ZMYND11: variants seen among roughly 807,000 people sequenced by gnomAD.
The protein encoded by ZMYND11 is zinc finger MYND domain-containing protein 11.
A neutral mutation model predicts 84.9 loss-of-function variants in ZMYND11; 9 were observed. The ratio of observed to expected loss-of-function variants is 0.11; its 90% CI spans 0.06 to 0.18. The LOEUF (loss-of-function observed/expected upper bound fraction) is 0.18, where lower values mean the gene tolerates loss of function less well. ZMYND11 is among the 10% of genes least tolerant of loss of function. The probability of loss-of-function intolerance (pLI) is 1.00; values close to 1 mark genes in which losing one functional copy is unlikely to be tolerated. For missense variants in ZMYND11, 409 were observed against 761.0 expected (o/e 0.54, Z 5.44); for synonymous variants, 250 against 244.1 (o/e 1.02, Z -0.23).
intron 3 of ZMYND11, chr10:218,371 G>T: frequency 5.2e-6 from 1 of 192,398 alleles, no homozygotes. Flanking sequence ...GGCCCTGTGT[G>T]AAATCCCTTT....
intron 1 of ZMYND11, among the ~76,000 whole-genome samples, chr10:170,591 C>T (rs1386691349): frequency 2.0e-5 from 3 of 151,896 alleles, no homozygotes; most frequent in Admixed American, 6.6e-5. Context: ...TTTCACTGCC[C>T]ATGAAGCAGT....
At position 252,237 on chromosome 10, in the gene ZMYND11, G is replaced by A. The variant is rs1953663232; in HGVS notation, c.1687-111G>A. 3.0e-6 allele frequency: 4 copies of A among 1,333,618 alleles called. No individual in the cohort carries two copies. Among genetic ancestry groups the A allele is most frequent in the South Asian group, 1.4e-5 (1 of 71,394 alleles). The allele number at this position is 1,333,618 out of a possible 1,614,324, so 82.6% of individuals were successfully genotyped here. A position where few individuals can be genotyped will look rare whatever the true frequency, so the allele number is the denominator to read the frequency against. ...AAAACGTATTCAGATTCCACAAAAG[G>A]TTGAGCCAGAAAGATCTTTTAAAAG... On this transcript the variant is annotated intron_variant, in intron 14 of 14. Transcript: ENST00000381604. This position sits in a 1 kb window ranked among gnomAD's most constrained non-coding sequence, Gnocchi z 4.6.
At chr10:222,613 T>C (rs753172227) in intron 4 of ZMYND11, among the ~76,000 whole-genome samples, 1 of 152,220 alleles carries the variant, frequency 6.6e-6, no homozygotes, top group Non-Finnish European at 1.5e-5. Context: ...TTTTATTCTC[T>C]TGTGGATTTC....
At chr10:239,703 ACAAAAT>A (rs1367803780) in intron 7 of ZMYND11, among the ~76,000 whole-genome samples, 178 bp downstream of exon 7, 2 of 152,242 alleles carry the variant, frequency 1.3e-5, no homozygotes, top group Non-Finnish European at 2.9e-5. Context: ...CTGGCCAAAA[ACAAAAT>A]CATAGTATAC....
chr10:135,796 C>T lies in ZMYND11; in HGVS notation c.-20+237C>T, dbSNP rs1835854583. Among the ~76,000 whole-genome samples, 1 of 148,230 alleles carries T rather than the reference C, an allele frequency of 6.7e-6. No individual in the cohort carries two copies. The highest frequency in any genetic ancestry group is 1.5e-5 in the Non-Finnish European group (1 of 66,532). ...GCGGCGGCGGGGCCTGCGGAGGCTGCCGGCCCGCGCCCACTCGCCTTGGGC... is the reference window on the plus strand; with the variant it reads ...GCGGCGGCGGGGCCTGCGGAGGCTGTCGGCCCGCGCCCACTCGCCTTGGGC... On this transcript the variant is annotated intron_variant, in intron 1 of 14. Coordinates refer to ENST00000381604, the MANE Select transcript of ZMYND11 (RefSeq NM_001370100.5). The surrounding 1 kb of genome is among the most constrained non-coding windows in gnomAD (Gnocchi z 5.6).
At chr10:229,813 C>T (rs559140332) in intron 4 of ZMYND11, among the ~76,000 whole-genome samples, 1 of 152,324 alleles carries the variant, frequency 6.6e-6, no homozygotes, top group Non-Finnish European at 1.5e-5. Context: ...TCACTTTTAA[C>T]TTCTCAATTA....
At chr10:219,507 T>C (rs1486726285) in intron 3 of ZMYND11, among the ~76,000 whole-genome samples, 2 of 152,176 alleles carry the variant, frequency 1.3e-5, no homozygotes, top group Non-Finnish European at 2.9e-5. Context: ...GAATAAGATA[T>C]CTTATTTCCA....
chr10:151,252 C>T (rs9419493), intron 1 of ZMYND11, among the ~76,000 whole-genome samples: 97,736 of 152,030 alleles, frequency 0.64, 31,627 homozygotes, highest in East Asian at 0.83. Flanking sequence ...AGGCTTCAGA[C>T]GATCAAACTT....
At position 253,953 on chromosome 10, in the gene ZMYND11, C is replaced by G. The variant is rs1412394491; in HGVS notation, c.*1483C>G. The stretch of plus-strand genomic sequence containing the variant: ...TTGATGCTGTTGCAGATGGTGGTGA[C>G]ACAAGTTAATTGACAAACTACTGCC... On this transcript the variant is annotated 3_prime_UTR_variant, in exon 15 of 15. Transcript: ENST00000381604. The G allele has an allele frequency of 6.6e-6, 1 of 152,540 alleles. No individual in the cohort carries two copies. Among genetic ancestry groups the G allele is most frequent in the Non-Finnish European group, 1.5e-5 (1 of 68,028 alleles). 9.4% of individuals were successfully genotyped at this position (152,540 alleles called of 1,614,324 possible). A position where few individuals can be genotyped will look rare whatever the true frequency, so the allele number is the denominator to read the frequency against.
chr10:142,791 A>T (rs1326822555), intron 1 of ZMYND11, among the ~76,000 whole-genome samples: 1 of 152,224 alleles, frequency 6.6e-6, no homozygotes, highest in Admixed American at 6.5e-5. Flanking sequence ...AACTCTGGGC[A>T]ATCAAAACAT....
At chr10:170,925 A>G (rs1320138254) in intron 1 of ZMYND11, among the ~76,000 whole-genome samples, 2 of 152,136 alleles carry the variant, frequency 1.3e-5, no homozygotes, top group Non-Finnish European at 2.9e-5. Flanking sequence ...AGTCAACCCA[A>G]CAATATCTTG....
chr10:207,848 A>G (rs556782468), intron 2 of ZMYND11, among the ~76,000 whole-genome samples: 127 of 152,336 alleles, frequency 8.3e-4, no homozygotes, highest in African/African-American at 3.0e-3. Context: ...AGTCAATCCT[A>G]AGCCAAAAGA....
intron 4 of ZMYND11, among the ~76,000 whole-genome samples, chr10:224,936 T>C (rs1417283558): frequency 6.6e-6 from 1 of 152,206 alleles, no homozygotes; most frequent in African/African-American, 2.4e-5. Flanking sequence ...TATTTCTGCA[T>C]GAAACTGAAG....
At chr10:148,390 C>T (rs1554755999) in intron 1 of ZMYND11, 1 of 151,408 alleles carries the variant, frequency 6.6e-6, no homozygotes, top group African/African-American at 2.4e-5. Flanking sequence ...GTCCTAACTT[C>T]CTTTGCTCTG....
At chr10:213,297 G>T (rs777793061) in intron 3 of ZMYND11, among the ~76,000 whole-genome samples, 2 of 152,272 alleles carry the variant, frequency 1.3e-5, no homozygotes, top group Middle Eastern at 3.4e-3. Flanking sequence ...TTTGCACATG[G>T]TGTTCTGTGG....
intron 1 of ZMYND11, among the ~76,000 whole-genome samples, chr10:145,246 G>GTATA (rs539971815): frequency 6.7e-6 from 1 of 149,154 alleles, no homozygotes; most frequent in Non-Finnish European, 1.5e-5. Context: ...GTGTGTGTAT[G>GTATA]TATATATATA....
chr10:181,616 TCA>T (rs1491157207), intron 2 of ZMYND11, among the ~76,000 whole-genome samples: 1 of 151,910 alleles, frequency 6.6e-6, no homozygotes, highest in Non-Finnish European at 1.5e-5. Flanking sequence ...GACCCCTGTC[TCA>T]CAACAAACCA....
chr10:177,717 A>G (rs1554767241), intron 1 of ZMYND11, among the ~76,000 whole-genome samples: 1 of 152,114 alleles, frequency 6.6e-6, no homozygotes. Context: ...ATATTCTTAC[A>G]TATCATGAAT....
At chr10:173,403 C>T (rs1845827723) in intron 1 of ZMYND11, among the ~76,000 whole-genome samples, 1 of 152,144 alleles carries the variant, frequency 6.6e-6, no homozygotes, top group Admixed American at 6.5e-5. Flanking sequence ...AAAGGACCAT[C>T]AAGCAAAACA....
Sources: gnomAD v4.1 joint callset for allele counts (sites outside exome capture counted in the v4.1 genomes callset) on GRCh38, gnomAD v4.1.1 for gene constraint, Gnocchi (gnomAD v3.1) non-coding constraint, MANE v1.5 for transcripts, NCBI Gene and HGNC (gene_info 2026-07-23, HGNC 2026-07-21) for gene names.